Variants in IL26 observed in about 807,000 individuals in gnomAD.
The protein encoded by IL26 is interleukin-26.
IL26 carries 23 observed loss-of-function variants against 21.7 expected under a neutral mutation model. The observed-to-expected ratio is 1.06, with a 90% CI of 0.76 to 1.50. The LOEUF is 1.50. Ranked by LOEUF, IL26 falls within the 40% of genes most tolerant of loss-of-function variation. The pLI, the probability that IL26 is intolerant of heterozygous loss-of-function variation, is 0.00. For synonymous variants in IL26, 63 were observed against 67.8 expected (o/e 0.93, Z 0.34); for missense variants, 204 against 196.0 (o/e 1.04, Z -0.24).
At chr12:68,217,978 A>C (rs1289639108) in intron 3 of IL26, among the ~76,000 whole-genome samples, 1 of 152,144 alleles carries the variant, frequency 6.6e-6, no homozygotes, top group Non-Finnish European at 1.5e-5. Context: ...AGTTTACAGA[A>C]ATGTGTTGCT....
intron 3 of IL26, among the ~76,000 whole-genome samples, chr12:68,221,518 G>T (rs1008342992): frequency 6.6e-6 from 1 of 152,200 alleles, no homozygotes; most frequent in African/African-American, 2.4e-5. Flanking sequence ...TGCTCACCAT[G>T]AGCATTTTAT....
chr12:68,223,884 G>GTTTTTTTT (rs376115904), intron 3 of IL26, among the ~76,000 whole-genome samples: 3 of 132,252 alleles, frequency 2.3e-5, no homozygotes, highest in East Asian at 2.3e-4. Context: ...AAATTTGGTG[G>GTTTTTTTT]TTTTTTTTTT....
intron 3 of IL26, among the ~76,000 whole-genome samples, chr12:68,213,275 T>G (rs1445888503): frequency 6.6e-6 from 1 of 152,088 alleles, no homozygotes; most frequent in African/African-American, 2.4e-5. Context: ...TGAATTTGGT[T>G]TGCTAATATT....
In IL26 at chr12:68,220,913, A is replaced by G. The variant is rs534846909; in HGVS notation, c.363+4236T>C. Among the ~76,000 whole-genome samples the G allele has an allele frequency of 9.2e-5, 14 of 152,392 alleles. 1 individual carries two copies. The South Asian group carries it at 2.9e-3, about 32-fold the overall frequency. ...CGGCCTCCCAAAGTGCTGGGATTGT[A>G]GGCGTAAGCTACCGTACCTGGCCAA... On this transcript the variant is annotated intron_variant, in intron 3 of 4. Transcript: ENST00000229134.
In IL26 at chr12:68,202,035, T is replaced by C. The variant is rs1413868563; in HGVS notation, c.412A>G (p.Lys138Glu). 6 of 1,585,824 alleles carry C rather than the reference T, an allele frequency of 3.8e-6. No individual in the cohort carries two copies. The highest frequency in any genetic ancestry group is 5.2e-6 in the Non-Finnish European group (6 of 1,163,282). ...ATTCTTACCCTATAAAATATTCTTT[T>C]CATCCTGGTAATGGATTTCATCTCT... ...AREMKSITRM[K>E]RIFYRIGNKG... is the part of the protein sequence containing the mutation. Residue 138 changes from lysine (K) to glutamate (E), a missense_variant, in exon 4 of 5, where the codon AAA (lysine) becomes GAA (glutamate). Physicochemically the swap from Lys to Glu is moderately conservative, Grantham distance 56. Transcript: ENST00000229134.
At chr12:68,210,262 T>A (rs1868672246) in intron 3 of IL26, among the ~76,000 whole-genome samples, 1 of 147,812 alleles carries the variant, frequency 6.8e-6, no homozygotes, top group Non-Finnish European at 1.5e-5. Context: ...TCTGAAGTGC[T>A]TTTAAAGCCA....
intron 3 of IL26, among the ~76,000 whole-genome samples, chr12:68,216,205 C>T (rs1449517950): frequency 4.0e-5 from 6 of 151,860 alleles, no homozygotes; most frequent in Non-Finnish European, 7.4e-5. Context: ...GCAGGGGAAT[C>T]GCTTGAACCC....
At chr12:68,218,375 C>T (rs1868952111) in intron 3 of IL26, among the ~76,000 whole-genome samples, 1 of 151,898 alleles carries the variant, frequency 6.6e-6, no homozygotes, top group Non-Finnish European at 1.5e-5. Context: ...TTCAATAGAG[C>T]AATGGAAAAT....
At position 68,201,930 on chromosome 12, in the gene IL26, A is replaced by G. The variant is rs779937576; in HGVS notation, c.431T>C (p.Ile144Thr). 13 of 1,595,754 alleles carry G rather than the reference A, an allele frequency of 8.1e-6. No individual in the cohort carries two copies. Among genetic ancestry groups the G allele is most frequent in the Non-Finnish European group, 1.1e-5 (13 of 1,172,916 alleles). Residue 144 changes from isoleucine to threonine, a missense_variant and splice_region_variant, in exon 5 of 5, where the codon ATT (isoleucine) becomes ACT (threonine). Transcript: ENST00000229134. The part of the protein sequence containing the change: ...ITRMKRIFYR[I>T]GNKGIYKAIS... ...GGCTTTGTAGATTCCTTTGTTTCCA[A>G]TCTGCAGATAAAGTACAGATATAAG... is the stretch of plus-strand genomic sequence containing the variant.
chr12:68,213,057 C>T (rs960945731), intron 3 of IL26, among the ~76,000 whole-genome samples: 1 of 151,824 alleles, frequency 6.6e-6, no homozygotes, highest in African/African-American at 2.4e-5. Context: ...AGGTATGCCC[C>T]TTCTATATCT....
At chr12:68,214,154 T>C (rs1868809725) in intron 3 of IL26, among the ~76,000 whole-genome samples, 1 of 152,188 alleles carries the variant, frequency 6.6e-6, no homozygotes, top group African/African-American at 2.4e-5. Flanking sequence ...CCATGAGTTT[T>C]CGTAGTTTCC....
In IL26 at chr12:68,225,804, T is replaced by C. The variant is rs756152075; in HGVS notation, c.-48A>G. The C allele has an allele frequency of 1.9e-6, 3 of 1,590,754 alleles. No individual in the cohort carries two copies. Among genetic ancestry groups the C allele is most frequent in the South Asian group, 1.1e-5 (1 of 88,542 alleles). The stretch of plus-strand genomic sequence containing the variant: ...GTGTCACTCACAGCAGCCCAAGAGA[T>C]ACTAATGCCGGTTAGATGAGAGGAT... On this transcript the variant is annotated 5_prime_UTR_variant, in exon 1 of 5. Transcript: ENST00000229134.
intron 3 of IL26, among the ~76,000 whole-genome samples, chr12:68,205,513 A>G (rs1476199793): frequency 1.3e-5 from 2 of 152,200 alleles, no homozygotes; most frequent in African/African-American, 4.8e-5. Flanking sequence ...TTTACTAATC[A>G]TTAAGTGGAA....
chr12:68,207,197 C>T (rs942257324), intron 3 of IL26, among the ~76,000 whole-genome samples: 2 of 152,108 alleles, frequency 1.3e-5, no homozygotes. Context: ...CACAATGGTC[C>T]TTATCCTGGA....
intron 3 of IL26, among the ~76,000 whole-genome samples, chr12:68,224,523 AT>A (rs1028928295): frequency 1.3e-5 from 2 of 151,944 alleles, no homozygotes; most frequent in East Asian, 1.9e-4. Context: ...GGGCACAAAT[AT>A]TTTTTTAAAA....
At chr12:68,203,887 G>A (rs1868456032) in intron 3 of IL26, among the ~76,000 whole-genome samples, 1 of 152,152 alleles carries the variant, frequency 6.6e-6, no homozygotes. Flanking sequence ...ACAGTTTGCA[G>A]GATTCATGAA....
intron 3 of IL26, among the ~76,000 whole-genome samples, chr12:68,206,030 A>T (rs1230276839): frequency 2.6e-5 from 4 of 152,168 alleles, no homozygotes; most frequent in Non-Finnish European, 5.9e-5. Flanking sequence ...TGATATCTTC[A>T]ACCTGCTCCT....
rs973290330 is a variant in IL26, at chr12:68,201,595, T to C, written c.*250A>G. On this transcript the variant is annotated 3_prime_UTR_variant, in exon 5 of 5. Coordinates refer to ENST00000229134, the MANE Select transcript of IL26 (RefSeq NM_018402.2). Reference sequence around the variant, plus strand: ...CATACTTTAAATTAAGTTGACACAATGTACTTGTGAATGACAAAACATGTT... The same window carrying C: ...CATACTTTAAATTAAGTTGACACAACGTACTTGTGAATGACAAAACATGTT... 1 of 337,536 alleles carries C rather than the reference T, an allele frequency of 3.0e-6. No homozygotes were observed. Among genetic ancestry groups the C allele is most frequent in the Non-Finnish European group, 5.4e-6 (1 of 186,024 alleles). The allele number at this position is 337,536 out of a possible 1,614,324, so 20.9% of individuals were successfully genotyped here.
intron 3 of IL26, among the ~76,000 whole-genome samples, chr12:68,220,788 C>A (rs1016960435): frequency 3.3e-5 from 5 of 152,324 alleles, no homozygotes; most frequent in African/African-American, 1.2e-4. Flanking sequence ...AGGCATGCGC[C>A]ACCGCGCCTG....
Sources: allele counts gnomAD v4.1 joint callset (sites outside exome capture counted in the v4.1 genomes callset), GRCh38; gene constraint gnomAD v4.1.1; transcripts MANE v1.5; gene names NCBI Gene and HGNC (gene_info 2026-07-23, HGNC 2026-07-21).